DELE1: variants seen among roughly 807,000 people sequenced by gnomAD.
The protein encoded by DELE1 is death ligand signal enhancer.
A neutral mutation model predicts 59.3 loss-of-function variants in DELE1; 54 were observed. The ratio of observed to expected loss-of-function variants is 0.91; its 90% CI spans 0.73 to 1.14. The LOEUF (loss-of-function observed/expected upper bound fraction) is 1.14. Among genes scored for constraint, DELE1 ranks in the 50% most tolerant of loss-of-function variants. The pLI is 0.00. For synonymous variants in DELE1, 264 were observed against 259.1 expected, an observed-to-expected ratio of 1.02 and a Z score of -0.18; for missense variants, 636 against 643.9, an observed-to-expected ratio of 0.99 and a Z score of 0.13.
chr5:141,924,758 TTTTTTG>T (rs2126861256), intron 2 of DELE1, 63 bp downstream of exon 2: 14 of 1,060,528 alleles, frequency 1.3e-5, no homozygotes, highest in African/African-American at 1.7e-5. Context: ...TTATTTTTTT[TTTTTTG>T]TTGTTTTTTG....
rs1254838594 is a variant in DELE1, at chr5:141,929,613, T to A, written c.444T>A (p.Asp148Glu). The change falls in exon 5 of 12, where the codon GAT becomes GAA. Residue 148 changes from aspartate (D) to glutamate (E), a missense_variant. Transcript: ENST00000432126. The part of the protein sequence containing the change: ...SLRQHILPSP[D>E]GPAPRHTGLR... ...GACAACACATCCTCCCCAGCCCCGATGGCCCAGCTCCCAGGCACACTGGCC... is the reference window on the plus strand; with the variant it reads ...GACAACACATCCTCCCCAGCCCCGAAGGCCCAGCTCCCAGGCACACTGGCC... 1 of 1,614,088 alleles carries A rather than the reference T, an allele frequency of 6.2e-7. No homozygotes were observed. Among genetic ancestry groups the A allele is most frequent in the Admixed American group, 1.7e-5 (1 of 60,016 alleles).
Position 141,939,197 on chromosome 5 carries a change from A to G in DELE1, c.*438A>G. ...GATTTTAGATGGTATTCAAATTAAT[A>G]TTTTCTATTTAGTTATATATTTAAT... is the stretch of plus-strand genomic sequence containing the variant. On this transcript the variant is annotated 3_prime_UTR_variant, in exon 12 of 12. Coordinates refer to ENST00000432126, the MANE Select transcript of DELE1 (RefSeq NM_014773.5). 1 of 755,916 alleles carries G rather than the reference A, an allele frequency of 1.3e-6. No individual in the cohort carries two copies. The highest frequency in any genetic ancestry group is 1.6e-6 in the Non-Finnish European group (1 of 620,980). 46.8% of individuals were successfully genotyped at this position (755,916 alleles called of 1,614,324 possible). A position where few individuals can be genotyped will look rare whatever the true frequency, so the allele number is the denominator to read the frequency against.
chr5:141,936,846 T>G (rs913044582), intron 10 of DELE1: 2 of 985,024 alleles, frequency 2.0e-6, no homozygotes, highest in Non-Finnish European at 2.4e-6. Flanking sequence ...GCCTCCTTGC[T>G]GTTTCAGGGC....
Position 141,929,581 on chromosome 5 carries a change from G to A in DELE1, c.413-1G>A. 6.2e-7 allele frequency: 1 copy of A among 1,613,144 alleles called. No homozygotes were observed. The highest frequency in any genetic ancestry group is 8.5e-7 in the Non-Finnish European group (1 of 1,179,870). On this transcript the variant is annotated splice_acceptor_variant, in intron 4 of 11. Transcript: ENST00000432126. LOFTEE classifies it high-confidence loss of function. The stretch of plus-strand genomic sequence containing the variant: ...TGACTACTCTTGCTGGCTCTTTCCA[G>A]CACTGCGACAACACATCCTCCCCAG...
At chr5:141,927,951 A>G (rs1751552492) in intron 3 of DELE1, among the ~76,000 whole-genome samples, 200 bp from the exon 4 acceptor site, 1 of 152,222 alleles carries the variant, frequency 6.6e-6, no homozygotes, top group Non-Finnish European at 1.5e-5. Context: ...GGAGAGACAG[A>G]CCTTAGATAA....
chr5:141,926,108 G>T (rs1751397449), intron 3 of DELE1, among the ~76,000 whole-genome samples: 1 of 152,070 alleles, frequency 6.6e-6, no homozygotes, highest in African/African-American at 2.4e-5. Context: ...TCGAACTCCT[G>T]ATCTCGTGAC....
In DELE1 at chr5:141,929,970, G is replaced by A. The variant is rs1278532186; in HGVS notation, c.572-19G>A. On this transcript the variant is annotated intron_variant, in intron 5 of 11. Coordinates refer to ENST00000432126, the MANE Select transcript of DELE1 (RefSeq NM_014773.5). ...ACTTTCTCCTTTGCCCTGGCCGGGT[G>A]TCGGCCTTTCCCTTGCAGGTCCCGG... The A allele has an allele frequency of 6.2e-7, 1 of 1,611,536 alleles. No individual in the cohort carries two copies. Among genetic ancestry groups the A allele is most frequent in the African/African-American group, 1.3e-5 (1 of 74,990 alleles).
chr5:141,924,538 T>C, intron 1 of DELE1, 43 bp from the exon 2 acceptor site: 1 of 1,144,506 alleles, frequency 8.7e-7, no homozygotes, highest in Non-Finnish European at 1.3e-6. Context: ...CAGTGATTCC[T>C]GGGTTCTTGT....
intron 8 of DELE1, 187 bp downstream of exon 8, chr5:141,933,588 G>T: frequency 2.8e-6 from 1 of 363,312 alleles, no homozygotes; most frequent in Non-Finnish European, 4.8e-6. Context: ...TTCAGGGAGG[G>T]CAGGGATTTT....
At chr5:141,929,852 C>A in intron 5 of DELE1, 112 bp downstream of exon 5, 1 of 1,504,972 alleles carries the variant, frequency 6.6e-7, no homozygotes, top group Non-Finnish European at 9.2e-7. Flanking sequence ...AGGTCCCATG[C>A]CTTGTGAGGT....
At position 141,934,437 on chromosome 5, in the gene DELE1, G is replaced by A. The variant is rs201710980; in HGVS notation, c.1056+39G>A. Reference sequence around the variant, plus strand: ...GCAGGGTCTGTTCAAGGTCTCTGAGGCCTGTGGAGCCTGAAAGTGACCAAG... The same window carrying A: ...GCAGGGTCTGTTCAAGGTCTCTGAGACCTGTGGAGCCTGAAAGTGACCAAG... On this transcript the variant is annotated intron_variant, in intron 9 of 11. Transcript: ENST00000432126. 5 of 1,614,208 alleles carry A rather than the reference G, an allele frequency of 3.1e-6. No individual in the cohort carries two copies. The South Asian group carries it at 3.3e-5, about 11-fold the overall frequency.
chr5:141,933,094 CAAAAAAAA>C (rs56720043), intron 7 of DELE1, among the ~76,000 whole-genome samples, 157 bp from the exon 8 acceptor site: 35 of 101,056 alleles, frequency 3.5e-4, no homozygotes, highest in African/African-American at 1.1e-3. Context: ...GACTCCATCT[CAAAAAAAA>C]AAAAAAAAAA....
chr5:141,924,069 G>A, intron 1 of DELE1, 97 bp downstream of exon 1: 1 of 1,484,328 alleles, frequency 6.7e-7, no homozygotes, highest in South Asian at 1.2e-5. Context: ...ATCGTGGGCC[G>A]GGTTAGAGCC....
chr5:141,933,323 C>A lies in DELE1; in HGVS notation c.819C>A (p.Ala273=). ...TTTCTTACTTCCAGAAAGCTGCAGC[C>A]CGCGGCTACAGCAAAGCGCAGTACA... The part of the protein sequence containing the change: ...AAFSYFQKAA[A]RGYSKAQYNA... Residue 273 remains alanine (A), a synonymous_variant, in exon 8 of 12, where the codon GCC becomes GCA. Transcript: ENST00000432126. 1 of 1,569,836 alleles carries A rather than the reference C, an allele frequency of 6.4e-7. No individual in the cohort carries two copies. Among genetic ancestry groups the A allele is most frequent in the Non-Finnish European group, 8.7e-7 (1 of 1,148,534 alleles).
intron 4 of DELE1, 26 bp from the exon 5 acceptor site, chr5:141,929,556 T>G: frequency 1.2e-6 from 2 of 1,610,688 alleles, no homozygotes; most frequent in Non-Finnish European, 1.7e-6. Context: ...GGCCCAGACC[T>G]GACTACTCTT....
At chr5:141,935,386 G>A (rs914178238) in intron 10 of DELE1, among the ~76,000 whole-genome samples, 4 of 152,224 alleles carry the variant, frequency 2.6e-5, no homozygotes, top group African/African-American at 9.7e-5. Context: ...GTAATTTGCT[G>A]TATTCCTCAA....
At chr5:141,925,619 A>G in intron 3 of DELE1, 92 bp downstream of exon 3, 2 of 682,222 alleles carry the variant, frequency 2.9e-6, no homozygotes, top group Admixed American at 6.0e-5. Context: ...AGGGCTAGGG[A>G]ATCACTGTGT....
rs553219139 is a variant in DELE1, at chr5:141,932,467, A to G, written c.755-792A>G. On this transcript the variant is annotated intron_variant, in intron 7 of 11. Transcript: ENST00000432126. ...TTAAACATAAAAGGAATCTATTGGG[A>G]TCTATTGACCTGCCAAGCCTCAGAA... 2.6e-5 allele frequency among the ~76,000 whole-genome samples: 4 copies of G among 152,324 alleles called. No homozygotes were observed. The East Asian group carries it at 5.8e-4, about 22-fold the overall frequency.
rs914002942 is a variant in DELE1, at chr5:141,941,037, G to A, written c.*2278G>A. The A allele has an allele frequency of 5.0e-5, 49 of 985,276 alleles. No individual in the cohort carries two copies. The highest frequency in any genetic ancestry group is 7.0e-5 in the African/African-American group (4 of 57,212). 61.0% of individuals were successfully genotyped at this position (985,276 alleles called of 1,614,324 possible). ...TCTCACTGAATTGAGCCCAGAGCCC[G>A]TTTCCCTACAGATTGCTTTTGAGCC... On this transcript the variant is annotated 3_prime_UTR_variant, in exon 12 of 12. Transcript: ENST00000432126.
Sources: allele counts gnomAD v4.1 joint callset (sites outside exome capture counted in the v4.1 genomes callset), GRCh38; gene constraint gnomAD v4.1.1; transcripts MANE v1.5; gene names NCBI Gene and HGNC (gene_info 2026-07-23, HGNC 2026-07-21).